PLEKHO2: variants seen among roughly 807,000 people sequenced by gnomAD.
The protein encoded by PLEKHO2 is pleckstrin homology domain containing O2, also known as pleckstrin homology domain-containing family O member 2.
A neutral mutation model predicts 32.7 loss-of-function variants in PLEKHO2; 20 were observed. The ratio of observed to expected loss-of-function variants is 0.61; its 90% CI spans 0.43 to 0.89. The LOEUF (loss-of-function observed/expected upper bound fraction) is 0.89, where lower values mean the gene tolerates loss of function less well. PLEKHO2 is among the 40% of genes least tolerant of loss of function. The pLI, the probability that PLEKHO2 is intolerant of heterozygous loss-of-function variation, is 0.00. For missense variants in PLEKHO2, 568 were observed against 621.2 expected (o/e 0.91, Z 0.91); for synonymous variants, 247 against 246.3 (o/e 1.00, Z -0.03).
chr15:64,863,747 CT>C (rs71133492), intron 5 of PLEKHO2, among the ~76,000 whole-genome samples: 26 of 142,686 alleles, frequency 1.8e-4, no homozygotes, highest in Non-Finnish European at 2.4e-4. Flanking sequence ...GCGAGACCCC[CT>C]TTTTTTTTTT....
intron 3 of PLEKHO2, among the ~76,000 whole-genome samples, chr15:64,857,661 C>G (rs1157390374): frequency 6.6e-6 from 1 of 152,114 alleles, no homozygotes; most frequent in East Asian, 1.9e-4. Flanking sequence ...CCTGTTTAAC[C>G]TTGTCTTCCT....
At chr15:64,862,786 T>TA (rs2084651820) in intron 5 of PLEKHO2, among the ~76,000 whole-genome samples, 1 of 152,146 alleles carries the variant, frequency 6.6e-6, no homozygotes. Flanking sequence ...TTCTTTTTTT[T>TA]ATTATTATAC....
In PLEKHO2 at chr15:64,848,616, G is replaced by C; in HGVS notation, c.36G>C (p.Lys12Asn). ...EEEGVKEAGE[K>N]PRGAQMVDKA... ...AGGGTGTGAAGGAAGCCGGTGAGAAGCCTCGGGGAGCACAGATGGTGGACA... is the reference window on the plus strand; with the variant it reads ...AGGGTGTGAAGGAAGCCGGTGAGAACCCTCGGGGAGCACAGATGGTGGACA... Residue 12 changes from lysine to asparagine, a missense_variant, in exon 2 of 6, where the codon AAG (lysine) becomes AAC (asparagine). By Grantham distance (94) the Lys-to-Asn change is moderately conservative. Coordinates refer to ENST00000323544, the MANE Select transcript of PLEKHO2 (RefSeq NM_025201.5). 6.2e-7 allele frequency: 1 copy of C among 1,614,180 alleles called. No homozygotes were observed. The highest frequency in any genetic ancestry group is 8.5e-7 in the Non-Finnish European group (1 of 1,180,040).
intron 3 of PLEKHO2, among the ~76,000 whole-genome samples, chr15:64,856,630 G>C (rs1336125946): frequency 6.6e-6 from 1 of 152,228 alleles, no homozygotes; most frequent in Middle Eastern, 3.4e-3. Flanking sequence ...AAGAATTTAG[G>C]CTGGCTCTGA....
rs753275952 is a variant in PLEKHO2, at chr15:64,865,552, C to T, written c.1137C>T (p.Asp379=). The T allele has an allele frequency of 1.9e-5, 31 of 1,614,072 alleles. No homozygotes were observed. The highest frequency in any genetic ancestry group is 3.3e-5 in the Admixed American group (2 of 60,010). ...ATTSTALPPW[D]LPPQFHPRCS... The stretch of plus-strand genomic sequence containing the variant: ...CATCCACAGCACTGCCCCCCTGGGA[C>T]CTGCCACCTCAGTTCCATCCCCGCT... Residue 379 remains aspartate, a synonymous_variant, in exon 6 of 6, where the codon GAC becomes GAT. Transcript: ENST00000323544.
rs980705396 is a variant in PLEKHO2, at chr15:64,865,529, T to C, written c.1114T>C (p.Ser372Pro). The C allele has an allele frequency of 3.7e-6, 6 of 1,613,802 alleles. No homozygotes were observed. The Admixed American group carries it at 6.7e-5, about 18-fold the overall frequency. The change falls in exon 6 of 6, where the codon TCC becomes CCC. Residue 372 changes from serine to proline, a missense_variant. Transcript: ENST00000323544. ...PGTPPKDATTSTALPPWDLPP... is the reference protein window; with the variant it reads ...PGTPPKDATTPTALPPWDLPP... Reference sequence around the variant, plus strand: ...AACTCCTCCAAAGGATGCAACAACATCCACAGCACTGCCCCCCTGGGACCT... The same window carrying C: ...AACTCCTCCAAAGGATGCAACAACACCCACAGCACTGCCCCCCTGGGACCT...
At chr15:64,842,384 C>CTGTG (rs2084491350) in intron 1 of PLEKHO2, among the ~76,000 whole-genome samples, 1 of 56,156 alleles carries the variant, frequency 1.8e-5, no homozygotes, top group African/African-American at 4.2e-5. Flanking sequence ...GACTCTCTCT[C>CTGTG]TCTCTCTGTG....
chr15:64,855,951 A>G (rs1319806484), intron 3 of PLEKHO2, among the ~76,000 whole-genome samples: 1 of 146,562 alleles, frequency 6.8e-6, no homozygotes, highest in Non-Finnish European at 1.5e-5. Flanking sequence ...CCTGAAGACC[A>G]CAATGCTTTA....
chr15:64,859,517 T>C (rs546473820), intron 3 of PLEKHO2, among the ~76,000 whole-genome samples: 2 of 152,302 alleles, frequency 1.3e-5, no homozygotes, highest in South Asian at 2.1e-4. Flanking sequence ...TCAGAGCTCC[T>C]ACCTGAATTG....
chr15:64,853,660 A>G (rs1377579226), intron 2 of PLEKHO2, among the ~76,000 whole-genome samples: 1 of 152,052 alleles, frequency 6.6e-6, no homozygotes, highest in Non-Finnish European at 1.5e-5. Flanking sequence ...CCAACCTTGG[A>G]GGACCCCTCG....
intron 2 of PLEKHO2, among the ~76,000 whole-genome samples, chr15:64,850,016 C>T (rs1402599867): frequency 1.3e-5 from 2 of 151,420 alleles, no homozygotes; most frequent in Non-Finnish European, 2.9e-5. Flanking sequence ...CAAAATTAGC[C>T]GGGTGTAGTG....
At position 64,842,384 on chromosome 15, in the gene PLEKHO2, CTCTCTCTG is replaced by C. The variant is rs1273495659; in HGVS notation, c.12+358_12+365del. The stretch of plus-strand genomic sequence containing the variant: ...CCGTGGTCGGATCCTGACTCTCTCT[CTCTCTCTG>C]TGTGTGTGTGTGTGTGTGTGTGTGT... On this transcript the variant is annotated intron_variant, in intron 1 of 5. Transcript: ENST00000323544. Among the ~76,000 whole-genome samples, 11 of 56,060 alleles carry C rather than the reference CTCTCTCTG, an allele frequency of 2.0e-4. No individual in the cohort carries two copies. The Admixed American group carries it at 2.7e-3, about 14-fold the overall frequency. 36.8% of individuals were successfully genotyped at this position (56,060 alleles called of 152,430 possible). A position where few individuals can be genotyped will look rare whatever the true frequency, so the allele number is the denominator to read the frequency against.
At chr15:64,842,390 C>CAG in intron 1 of PLEKHO2, among the ~76,000 whole-genome samples, 1 of 145,288 alleles carries the variant, frequency 6.9e-6, no homozygotes, top group Admixed American at 6.8e-5. Flanking sequence ...CTCTCTCTCT[C>CAG]TGTGTGTGTG....
At chr15:64,854,781 G>A (rs1262414346) in intron 2 of PLEKHO2, 140 bp from the exon 3 acceptor site, 9 of 650,588 alleles carry the variant, frequency 1.4e-5, no homozygotes, top group Non-Finnish European at 2.2e-5. Flanking sequence ...ACATCTTGGT[G>A]ACTGATTGGC....
Position 64,854,948 on chromosome 15 carries a change from G to A in PLEKHO2, c.190G>A (p.Glu64Lys), listed in dbSNP as rs775375829. 7.4e-6 allele frequency: 12 copies of A among 1,612,744 alleles called. No homozygotes were observed. In the East Asian group the frequency reaches 2.2e-4, roughly 30 times the overall value. Residue 64 changes from glutamate to lysine, a missense_variant, in exon 3 of 6, where the codon GAG (glutamate) becomes AAG (lysine). Coordinates refer to ENST00000323544, the MANE Select transcript of PLEKHO2 (RefSeq NM_025201.5). ...EDDQKCVETV[E>K]LGSYEKCQDL... is the part of the protein sequence containing the mutation. ...TGATCAGAAGTGTGTGGAGACTGTG[G>A]AGCTGGGCAGCTATGAGAAGTGCCA...
Position 64,865,472 on chromosome 15 carries a change from G to C in PLEKHO2, c.1057G>C (p.Ala353Pro), listed in dbSNP as rs1474446291. The change falls in exon 6 of 6, where the codon GCC (alanine) becomes CCC (proline). Residue 353 changes from alanine (A) to proline (P), a missense_variant. Coordinates refer to ENST00000323544, the MANE Select transcript of PLEKHO2 (RefSeq NM_025201.5). ...TGGCATGGATGACAGTCCTGAGCCT[G>C]CCAAGCCCTCTCAGGCTGAGGGCAC... The part of the protein sequence containing the change: ...VNGMDDSPEP[A>P]KPSQAEGTPG... 1 of 1,613,978 alleles carries C rather than the reference G, an allele frequency of 6.2e-7. No homozygotes were observed. The highest frequency in any genetic ancestry group is 1.3e-5 in the African/African-American group (1 of 75,054).
chr15:64,851,101 T>C (rs1186080453), intron 2 of PLEKHO2, among the ~76,000 whole-genome samples: 1 of 152,120 alleles, frequency 6.6e-6, no homozygotes, highest in Non-Finnish European at 1.5e-5. Context: ...CCTACCTGAG[T>C]TGCTGGCTCG....
At chr15:64,843,261 T>C (rs1236521922) in intron 1 of PLEKHO2, among the ~76,000 whole-genome samples, 1 of 152,212 alleles carries the variant, frequency 6.6e-6, no homozygotes. Flanking sequence ...ATAGTGCCTG[T>C]CCTCCTCATA....
intron 1 of PLEKHO2, among the ~76,000 whole-genome samples, chr15:64,846,358 A>G (rs1270305073): frequency 6.6e-6 from 1 of 151,234 alleles, no homozygotes; most frequent in Non-Finnish European, 1.5e-5. Flanking sequence ...TGTTAACCAT[A>G]CAAGAGTCCA....
Sources: gnomAD v4.1 joint callset for allele counts (sites outside exome capture counted in the v4.1 genomes callset) on GRCh38, gnomAD v4.1.1 for gene constraint, MANE v1.5 for transcripts, NCBI Gene and HGNC (gene_info 2026-07-23, HGNC 2026-07-21) for gene names.